Variants in UNC13C observed in about 807,000 individuals in gnomAD.
The protein encoded by UNC13C is unc-13 homolog C.
In UNC13C, 174 loss-of-function variants were observed where a neutral mutation model predicts 245.4. The ratio of observed to expected loss-of-function variants is 0.71; its 90% CI spans 0.63 to 0.80. The LOEUF (loss-of-function observed/expected upper bound fraction) is 0.80, where lower values mean the gene tolerates loss of function less well. Among genes scored for constraint, UNC13C ranks in the 30% least tolerant of loss-of-function variants. UNC13C has a pLI of 0.00. For synonymous variants in UNC13C, 992 were observed against 895.1 expected (o/e 1.11, Z -1.93); for missense variants, 2,829 against 2,602.9 (o/e 1.09, Z -1.89).
chr15:53,981,480 T>C (rs748560213), intron 1 of UNC13C, among the ~76,000 whole-genome samples: 2 of 152,148 alleles, frequency 1.3e-5, no homozygotes, highest in Non-Finnish European at 2.9e-5. Flanking sequence ...ATCAATTCAT[T>C]TGGTAATATG....
chr15:53,978,485 C>T lies in UNC13C; in HGVS notation c.-699C>T, dbSNP rs1263545488. On this transcript the variant is annotated 5_prime_UTR_variant, in exon 1 of 33. In the 5' UTR this introduces an upstream ATG that the reference lacks. Coordinates refer to ENST00000260323, the MANE Select transcript of UNC13C (RefSeq NM_001080534.3). ...CCGGCGATGTGTGAAGTTCCCAGCA[C>T]GCACTCAGCCCGGCTGCTCCTCACC... 6.6e-6 allele frequency among the ~76,000 whole-genome samples: 1 copy of T among 152,146 alleles called. No homozygotes were observed. The highest frequency in any genetic ancestry group is 2.4e-5 in the African/African-American group (1 of 41,440).
intron 8 of UNC13C, among the ~76,000 whole-genome samples, chr15:54,263,251 G>A (rs1308963752): frequency 1.3e-5 from 2 of 152,118 alleles, no homozygotes; most frequent in African/African-American, 2.4e-5. Context: ...GATTTTAGCA[G>A]TGGCAGTTCC....
At chr15:54,003,724 G>C (rs1297889067) in intron 1 of UNC13C, among the ~76,000 whole-genome samples, 1 of 152,098 alleles carries the variant, frequency 6.6e-6, no homozygotes, top group Non-Finnish European at 1.5e-5. Flanking sequence ...AACTCTTGCT[G>C]ACTATAGGCC....
intron 1 of UNC13C, among the ~76,000 whole-genome samples, chr15:53,984,452 C>G (rs143211667): frequency 1.9e-3 from 284 of 152,176 alleles, no homozygotes; most frequent in African/African-American, 6.6e-3. Flanking sequence ...TTTTTAAAAG[C>G]CTTAGCTAGA....
At chr15:53,915,599 A>C in the UNC13C span, among the ~76,000 whole-genome samples, 1 of 152,372 alleles carries the variant, frequency 6.6e-6, no homozygotes, top group African/African-American at 2.4e-5. Flanking sequence ...AATAGGCAAA[A>C]TATTTAAGGG....
intron 1 of UNC13C, among the ~76,000 whole-genome samples, chr15:53,994,950 G>A (rs934320528): frequency 6.6e-6 from 1 of 152,046 alleles, no homozygotes. Context: ...GTGAAGTTAA[G>A]GTTCATAAGA....
intron 17 of UNC13C, among the ~76,000 whole-genome samples, chr15:54,382,570 C>T (rs1371926548): frequency 6.6e-6 from 1 of 151,642 alleles, no homozygotes; most frequent in Non-Finnish European, 1.5e-5. Flanking sequence ...GAGTGAGACC[C>T]TATCCCAAAA....
chr15:54,494,465 C>A, intron 19 of UNC13C, 143 bp from the exon 20 acceptor site: 1 of 712,158 alleles, frequency 1.4e-6, no homozygotes, highest in Non-Finnish European at 2.0e-6. Context: ...AATTTTAGGT[C>A]AGCTTTTAGC....
intron 31 of UNC13C, among the ~76,000 whole-genome samples, chr15:54,622,736 T>C (rs74014270): frequency 0.043 from 6,608 of 152,228 alleles, 500 homozygotes; most frequent in African/African-American, 0.15. Context: ...AGTATGTTCT[T>C]ACTATTCACA....
rs559539986 is a variant in UNC13C, at chr15:54,463,265, CGGGGGGGGG to C, written c.4934-31334_4934-31326del. Among the ~76,000 whole-genome samples the C allele has an allele frequency of 2.3e-3, 61 of 26,224 alleles. 18 individuals carry two copies. Among genetic ancestry groups the C allele is most frequent in the East Asian group, 0.013 (3 of 226 alleles). The allele number at this position is 26,224 out of a possible 152,430, so 17.2% of individuals were successfully genotyped here. A position where few individuals can be genotyped will look rare whatever the true frequency, so the allele number is the denominator to read the frequency against. ...AATGGGCCAATCAGTAGAATGTGGG[CGGGGGGGGG>C]GGGGGGGGCCGGTCAGGTAAGGGAA... On this transcript the variant is annotated intron_variant, in intron 19 of 32. Transcript: ENST00000260323.
Position 54,322,068 on chromosome 15 carries a change from A to T in UNC13C, c.4398A>T (p.Ser1466=), listed in dbSNP as rs1460695534. The T allele has an allele frequency of 6.3e-7, 1 of 1,584,138 alleles. No homozygotes were observed. Among genetic ancestry groups the T allele is most frequent in the African/African-American group, 1.3e-5 (1 of 74,264 alleles). Residue 1466 remains serine (S), a synonymous_variant, in exon 14 of 33, where the codon TCA becomes TCT. Coordinates refer to ENST00000260323, the MANE Select transcript of UNC13C (RefSeq NM_001080534.3). ...TVSTNIQVSA[S]DRFAATNFGR... Reference sequence around the variant, plus strand: ...CAACAAACATACAGGTTTCTGCCTCAGATCGATTTGCTGCTACCAACTTTG... The same window carrying T: ...CAACAAACATACAGGTTTCTGCCTCTGATCGATTTGCTGCTACCAACTTTG...
intron 13 of UNC13C, among the ~76,000 whole-genome samples, chr15:54,301,648 A>G (rs879587781): frequency 2.6e-5 from 4 of 152,140 alleles, no homozygotes; most frequent in Non-Finnish European, 5.9e-5. Context: ...ATAGTATTCC[A>G]TGGTGCATAT....
chr15:54,056,224 C>T (rs555763115), intron 2 of UNC13C, among the ~76,000 whole-genome samples: 14 of 152,102 alleles, frequency 9.2e-5, no homozygotes, highest in East Asian at 7.7e-4. Flanking sequence ...AAAAATTAGA[C>T]GAATGGATAA....
At chr15:54,554,131 C>G (rs1896992971) in intron 28 of UNC13C, among the ~76,000 whole-genome samples, 1 of 151,950 alleles carries the variant, frequency 6.6e-6, no homozygotes, top group South Asian at 2.1e-4. Context: ...ATCTGTGACA[C>G]ACATTGAAGG....
chr15:54,236,013 G>T (rs1180241959), intron 5 of UNC13C, among the ~76,000 whole-genome samples: 1 of 114,958 alleles, frequency 8.7e-6, no homozygotes, highest in Non-Finnish European at 1.7e-5. Flanking sequence ...GCCTACATTA[G>T]ATTGTAAAAA....
chr15:54,501,776 G>A (rs1236151819), intron 22 of UNC13C, among the ~76,000 whole-genome samples: 1 of 152,118 alleles, frequency 6.6e-6, no homozygotes, highest in Non-Finnish European at 1.5e-5. Context: ...AGGGCTCATA[G>A]AAGACTAAAA....
the UNC13C span, among the ~76,000 whole-genome samples, chr15:53,927,826 A>G: frequency 1.3e-5 from 2 of 152,192 alleles, no homozygotes; most frequent in Non-Finnish European, 2.9e-5. Context: ...TGAGAAGAGC[A>G]GGGAGCTTGG....
intron 32 of UNC13C, among the ~76,000 whole-genome samples, chr15:54,625,798 C>T (rs976866806): frequency 6.6e-6 from 1 of 152,160 alleles, no homozygotes; most frequent in African/African-American, 2.4e-5. Flanking sequence ...TCACTATCTA[C>T]TTCAACTTAC....
the UNC13C span, among the ~76,000 whole-genome samples, chr15:53,903,367 G>C: frequency 6.6e-6 from 1 of 152,172 alleles, no homozygotes; most frequent in East Asian, 1.9e-4. Context: ...TCCATCAAAT[G>C]TCATTTGAAA....
Sources: allele counts gnomAD v4.1 joint callset (sites outside exome capture counted in the v4.1 genomes callset), GRCh38; gene constraint gnomAD v4.1.1; transcripts MANE v1.5; gene names NCBI Gene and HGNC (gene_info 2026-07-23, HGNC 2026-07-21).